Variants in C21orf91 observed in about 807,000 individuals in gnomAD.
C21orf91 encodes protein EURL homolog.
C21orf91 carries 26 observed loss-of-function variants against 32.9 expected under a neutral mutation model. That is an observed-to-expected ratio of 0.79 (90% CI 0.58 to 1.10). The LOEUF (loss-of-function observed/expected upper bound fraction) is 1.10, where lower values mean the gene tolerates loss of function less well. Among genes scored for constraint, C21orf91 ranks in the 50% least tolerant of loss-of-function variants. The probability of loss-of-function intolerance (pLI) is 0.00; values close to 1 mark genes in which losing one functional copy is unlikely to be tolerated. For missense variants in C21orf91, 310 were observed against 341.3 expected (o/e 0.91, Z 0.72); for synonymous variants, 126 against 120.4 (o/e 1.05, Z -0.31).
intron 2 of C21orf91, among the ~76,000 whole-genome samples, chr21:17,803,080 A>G (rs747840048): frequency 1.1e-4 from 17 of 152,230 alleles, no homozygotes; most frequent in Non-Finnish European, 1.6e-4. Context: ...GGTTTGCTAA[A>G]TGGTGGGCTT....
chr21:17,806,026 C>T (rs1745827663), intron 2 of C21orf91, among the ~76,000 whole-genome samples: 1 of 152,128 alleles, frequency 6.6e-6, no homozygotes, highest in African/African-American at 2.4e-5. Context: ...AAAAGATAGC[C>T]TTAAAAATGC....
At chr21:17,804,152 A>G (rs987578014) in intron 2 of C21orf91, among the ~76,000 whole-genome samples, 1 of 152,136 alleles carries the variant, frequency 6.6e-6, no homozygotes, top group Non-Finnish European at 1.5e-5. Context: ...ACTACCATGC[A>G]TTTGATGAGC....
At chr21:17,794,537 G>A (rs886975431) in intron 4 of C21orf91, among the ~76,000 whole-genome samples, 1 of 152,212 alleles carries the variant, frequency 6.6e-6, no homozygotes, top group Non-Finnish European at 1.5e-5. Flanking sequence ...TGCAAGTAGA[G>A]ATACTGATTA....
rs1366753935 is a variant in C21orf91, at chr21:17,790,310, A to T, written c.*3105T>A. On this transcript the variant is annotated 3_prime_UTR_variant, in exon 5 of 5. Coordinates refer to ENST00000284881, the MANE Select transcript of C21orf91 (RefSeq NM_001100420.2). ...ACAAATAGATCTAAAAGCTTACTTT[A>T]AAAAAACTACAAAAATGGACTAACA... The T allele has an allele frequency of 2.0e-5, 3 of 152,096 alleles. No homozygotes were observed. The highest frequency in any genetic ancestry group is 4.4e-5 in the Non-Finnish European group (3 of 67,938). 9.4% of individuals were successfully genotyped at this position (152,096 alleles called of 1,614,324 possible).
In C21orf91 at chr21:17,796,494, A is replaced by G. The variant is rs889491622; in HGVS notation, c.664+88T>C. The G allele has an allele frequency of 4.2e-6, 4 of 962,444 alleles. No homozygotes were observed. In the African/African-American group the frequency reaches 6.5e-5, roughly 16 times the overall value. The allele number at this position is 962,444 out of a possible 1,614,324, so 59.6% of individuals were successfully genotyped here. On this transcript the variant is annotated intron_variant, in intron 3 of 4. Coordinates refer to ENST00000284881, the MANE Select transcript of C21orf91 (RefSeq NM_001100420.2). ...ATGTTTCCCAAATCTATGATTCCAC[A>G]GCAAAATTCTTGACCCATTACACAT...
intron 2 of C21orf91, among the ~76,000 whole-genome samples, chr21:17,815,879 C>T (rs1454111662): frequency 1.3e-5 from 2 of 152,070 alleles, no homozygotes; most frequent in East Asian, 3.9e-4. Flanking sequence ...AGGCTGGTAC[C>T]GAACTCCCAA....
chr21:17,800,573 C>T (rs1375436443), intron 2 of C21orf91, among the ~76,000 whole-genome samples: 1 of 152,126 alleles, frequency 6.6e-6, no homozygotes, highest in African/African-American at 2.4e-5. Context: ...CATTTACAAG[C>T]GTAAACAGCT....
At position 17,802,351 on chromosome 21, in the gene C21orf91, G is replaced by C. The variant is rs763618080; in HGVS notation, c.128-5233C>G. On this transcript the variant is annotated intron_variant, in intron 2 of 4. Transcript: ENST00000284881. The stretch of plus-strand genomic sequence containing the variant: ...AATTTTTGTGTTTTTAGTAGAGATG[G>C]AGTTTCACCATGTCAGCCAGGCTGG... Among the ~76,000 whole-genome samples the C allele has an allele frequency of 9.5e-4, 144 of 152,238 alleles. 1 individual carries two copies. Among genetic ancestry groups the C allele is most frequent in the Non-Finnish European group, 1.5e-3 (99 of 68,026 alleles).
At position 17,790,213 on chromosome 21, in the gene C21orf91, CATTTTAT is replaced by C. The variant is rs988730323; in HGVS notation, c.*3195_*3201del. The C allele has an allele frequency of 6.6e-6, 1 of 152,002 alleles. No individual in the cohort carries two copies. Among genetic ancestry groups the C allele is most frequent in the African/African-American group, 2.4e-5 (1 of 41,420 alleles). The allele number at this position is 152,002 out of a possible 1,614,324, so 9.4% of individuals were successfully genotyped here. On this transcript the variant is annotated 3_prime_UTR_variant, in exon 5 of 5. Coordinates refer to ENST00000284881, the MANE Select transcript of C21orf91 (RefSeq NM_001100420.2). ...AAAAATTCCTACTTTAGAGCATTTA[CATTTTAT>C]AATTTAATAATGAAAGCAGATTCTT...
chr21:17,800,901 C>CA (rs2062554959), intron 2 of C21orf91, among the ~76,000 whole-genome samples: 1 of 151,988 alleles, frequency 6.6e-6, no homozygotes, highest in Non-Finnish European at 1.5e-5. Flanking sequence ...GGTTTCTTAA[C>CA]AGATGCTGGA....
intron 3 of C21orf91, 92 bp downstream of exon 3, chr21:17,796,490 C>G: frequency 2.1e-6 from 2 of 938,348 alleles, no homozygotes; most frequent in South Asian, 1.8e-5. Context: ...ATCTATGATT[C>G]CACAGCAAAA....
chr21:17,811,587 CCAGTAA>C (rs1205936068), intron 2 of C21orf91: 2 of 152,112 alleles, frequency 1.3e-5, no homozygotes, highest in African/African-American at 4.8e-5. Context: ...TATCAGTTTT[CCAGTAA>C]CAGTTACTGT....
chr21:17,803,461 C>T (rs887910136), intron 2 of C21orf91, among the ~76,000 whole-genome samples: 16 of 152,102 alleles, frequency 1.1e-4, no homozygotes, highest in African/African-American at 2.4e-4. Flanking sequence ...CGATGAGCCA[C>T]GACTGCGCCT....
rs996422647 is a variant in C21orf91 at position 17,789,839 on chromosome 21, G to A, written c.*3576C>T. 2.0e-5 allele frequency: 3 copies of A among 151,998 alleles called. No individual in the cohort carries two copies. The highest frequency in any genetic ancestry group is 4.4e-5 in the Non-Finnish European group (3 of 67,938). 9.4% of individuals were successfully genotyped at this position (151,998 alleles called of 1,614,324 possible). ...CCCCATGACCACAAAACTTTACTTG[G>A]TAAGAATAAACTGTTGGGGGTTTTA... On this transcript the variant is annotated 3_prime_UTR_variant, in exon 5 of 5. Transcript: ENST00000284881.
At position 17,791,952 on chromosome 21, in the gene C21orf91, C is replaced by A. The variant is rs925874985; in HGVS notation, c.*1463G>T. ...TCAATTAAACTGAAGTGTTTCTTTG[C>A]TTAAATACTTTCTTGTGTTCAACAA... On this transcript the variant is annotated 3_prime_UTR_variant, in exon 5 of 5. Transcript: ENST00000284881. 3.9e-5 allele frequency: 6 copies of A among 152,118 alleles called. No homozygotes were observed. The highest frequency in any genetic ancestry group is 2.6e-4 in the Admixed American group (4 of 15,270). 9.4% of individuals were successfully genotyped at this position (152,118 alleles called of 1,614,324 possible). A position where few individuals can be genotyped will look rare whatever the true frequency, so the allele number is the denominator to read the frequency against.
At chr21:17,797,615 A>T (rs2062529608) in intron 2 of C21orf91, among the ~76,000 whole-genome samples, 5 of 151,382 alleles carry the variant, frequency 3.3e-5, no homozygotes. Flanking sequence ...AAAAATGCAA[A>T]TAAAAGTCAA....
intron 1 of C21orf91, 21 bp from the exon 2 acceptor site, chr21:17,818,346 A>C: frequency 6.3e-7 from 1 of 1,582,710 alleles, no homozygotes; most frequent in Non-Finnish European, 8.6e-7. Context: ...ACAGAAAAGG[A>C]AAGTTACACA....
intron 2 of C21orf91, among the ~76,000 whole-genome samples, chr21:17,804,747 T>C (rs1281429237): frequency 6.6e-6 from 1 of 152,220 alleles, no homozygotes; most frequent in Non-Finnish European, 1.5e-5. Context: ...CTTAATCTAA[T>C]AAATGAATTG....
chr21:17,814,126 C>G (rs1272712441), intron 2 of C21orf91, among the ~76,000 whole-genome samples: 1 of 152,046 alleles, frequency 6.6e-6, no homozygotes, highest in African/African-American at 2.4e-5. Flanking sequence ...TAGTATGAAC[C>G]AACAGTATTG....
Sources: gnomAD v4.1 joint callset for allele counts (sites outside exome capture counted in the v4.1 genomes callset) on GRCh38, gnomAD v4.1.1 for gene constraint, MANE v1.5 for transcripts, NCBI Gene and HGNC (gene_info 2026-07-23, HGNC 2026-07-21) for gene names.